Variants in GPR160 observed in about 807,000 individuals in gnomAD.
The protein encoded by GPR160 is probable G protein-coupled receptor 160.
A neutral mutation model predicts 2.6 loss-of-function variants in GPR160; 2 were observed. The ratio of observed to expected loss-of-function variants is 0.77; its 90% CI spans 0.32 to 2.44. GPR160 has a LOEUF of 2.44. GPR160 is among the 30% of genes most tolerant of loss of function. The pLI, the probability that GPR160 is intolerant of heterozygous loss-of-function variation, is 0.11. For missense variants in GPR160, 351 were observed against 383.6 expected (o/e 0.91, Z 0.71); for synonymous variants, 130 against 132.2 (o/e 0.98, Z 0.12).
intron 2 of GPR160, chr3:170,057,348 A>G (rs990686288): frequency 6.6e-6 from 1 of 152,206 alleles, no homozygotes; most frequent in Non-Finnish European, 1.5e-5. Flanking sequence ...TATCTGAGGC[A>G]CTTGCTAATT....
intron 2 of GPR160, chr3:170,062,820 G>A: frequency 3.4e-6 from 2 of 591,822 alleles, no homozygotes; most frequent in Non-Finnish European, 6.1e-6. Context: ...TGAATTGGTT[G>A]AAAGCGGAAA....
chr3:170,056,064 A>G (rs3772177), intron 2 of GPR160, among the ~76,000 whole-genome samples: 41,035 of 152,062 alleles, frequency 0.27, 6,264 homozygotes, highest in East Asian at 0.51. Flanking sequence ...GATTTTTTTT[A>G]AGATATATTT....
Position 170,084,533 on chromosome 3 carries a change from T to C in GPR160, c.561T>C (p.Phe187=). ...GCATTCAGAGTTACTGGCTGTCATT[T>C]TTCATGGTGATGATTTTATTTGTAG... The part of the protein sequence containing the change: ...YVSIQSYWLS[F]FMVMILFVAF... The change falls in exon 4 of 4, where the codon TTT becomes TTC. Residue 187 remains phenylalanine, a synonymous_variant. Coordinates refer to ENST00000355897, the MANE Select transcript of GPR160 (RefSeq NM_014373.3). 1 of 1,612,610 alleles carries C rather than the reference T, an allele frequency of 6.2e-7. No individual in the cohort carries two copies. The highest frequency in any genetic ancestry group is 8.5e-7 in the Non-Finnish European group (1 of 1,178,636).
rs529126406 is a variant in GPR160, at chr3:170,070,109, C to A, written c.-192-9665C>A. ...ATGAATTTGGGGGGATATAATTCAG[C>A]CCATCATACCATAATTTCCCATTGT... On this transcript the variant is annotated intron_variant, in intron 2 of 3. Transcript: ENST00000355897. Among the ~76,000 whole-genome samples the A allele has an allele frequency of 1.8e-4, 27 of 152,218 alleles. No individual in the cohort carries two copies. The South Asian group carries it at 4.2e-3, about 23-fold the overall frequency.
At chr3:170,056,470 G>GC (rs1711647257) in intron 2 of GPR160, among the ~76,000 whole-genome samples, 1 of 152,124 alleles carries the variant, frequency 6.6e-6, no homozygotes, top group Admixed American at 6.5e-5. Context: ...ATCAATAACA[G>GC]CCCGGGGAAA....
At chr3:170,051,211 T>C (rs934884022) in intron 2 of GPR160, among the ~76,000 whole-genome samples, 6 of 152,232 alleles carry the variant, frequency 3.9e-5, no homozygotes, top group African/African-American at 1.4e-4. Flanking sequence ...TAATGACTAA[T>C]GCTGTTGAGT....
At position 170,038,824 on chromosome 3, in the gene GPR160, G is replaced by C. The variant is rs1202614046; in HGVS notation, c.-321-91G>C. 6.6e-6 allele frequency: 1 copy of C among 152,150 alleles called. No homozygotes were observed. The highest frequency in any genetic ancestry group is 3.2e-3 in the Middle Eastern group (1 of 316). The allele number at this position is 152,150 out of a possible 1,614,324, so 9.4% of individuals were successfully genotyped here. On this transcript the variant is annotated intron_variant, in intron 1 of 3. Transcript: ENST00000355897. This position sits in a 1 kb window ranked among gnomAD's most constrained non-coding sequence, Gnocchi z 5.3. ...GTTGCGTCCGGGTAGGTTCCTGGAT[G>C]ACCATCCTGGCTGGCTCAAAATTCC...
In GPR160 at chr3:170,084,602, TATCAGG is replaced by T. The variant is rs1264664007; in HGVS notation, c.633_638del (p.Arg212_Ile213del). 1 of 1,612,986 alleles carries T rather than the reference TATCAGG, an allele frequency of 6.2e-7. No individual in the cohort carries two copies. Among genetic ancestry groups the T allele is most frequent in the African/African-American group, 1.3e-5 (1 of 74,928 alleles). The stretch of plus-strand genomic sequence containing the variant: ...AAGAAGTTACTACTTTGGTACAGGC[TATCAGG>T]ATAACTTCCTATATGAATGAAACTA... On this transcript the variant is annotated inframe_deletion, in exon 4 of 4. Coordinates refer to ENST00000355897, the MANE Select transcript of GPR160 (RefSeq NM_014373.3).
intron 2 of GPR160, among the ~76,000 whole-genome samples, chr3:170,067,285 G>T (rs995313571): frequency 6.6e-6 from 1 of 152,146 alleles, no homozygotes; most frequent in Non-Finnish European, 1.5e-5. Context: ...GATTACAAGC[G>T]TGAGCCGTCG....
At chr3:170,072,140 T>C (rs960177417) in intron 2 of GPR160, among the ~76,000 whole-genome samples, 1 of 149,948 alleles carries the variant, frequency 6.7e-6, no homozygotes, top group Non-Finnish European at 1.5e-5. Context: ...AGTGGCATGA[T>C]TGTGGCTCAT....
chr3:170,038,040 G>T lies in GPR160; in HGVS notation c.-497G>T. The stretch of plus-strand genomic sequence containing the variant: ...GGCTGAGCCACAGCAGGGTCGCCGC[G>T]GGGTCCCGGGGCCGTGCTCCCCTGC... On this transcript the variant is annotated 5_prime_UTR_variant, in exon 1 of 4. Coordinates refer to ENST00000355897, the MANE Select transcript of GPR160 (RefSeq NM_014373.3). The surrounding 1 kb of genome is among the most constrained non-coding windows in gnomAD (Gnocchi z 5.3). 1 of 152,748 alleles carries T rather than the reference G, an allele frequency of 6.5e-6. No individual in the cohort carries two copies. Among genetic ancestry groups the T allele is most frequent in the South Asian group, 1.9e-4 (1 of 5,320 alleles). The allele number at this position is 152,748 out of a possible 1,614,324, so 9.5% of individuals were successfully genotyped here.
chr3:170,085,312 C>CTGTT lies in GPR160; in HGVS notation c.*324_*327dup, dbSNP rs879234061. ...ACTCAAAAAAACTACTGGATGCAAA[C>CTGTT]TGTTATGTAAATCTGAGATTTCACT... On this transcript the variant is annotated 3_prime_UTR_variant, in exon 4 of 4. Coordinates refer to ENST00000355897, the MANE Select transcript of GPR160 (RefSeq NM_014373.3). 6 of 181,392 alleles carry CTGTT rather than the reference C, an allele frequency of 3.3e-5. No individual in the cohort carries two copies. Among genetic ancestry groups the CTGTT allele is most frequent in the South Asian group, 2.0e-4 (1 of 4,958 alleles). 11.2% of individuals were successfully genotyped at this position (181,392 alleles called of 1,614,324 possible). A position where few individuals can be genotyped will look rare whatever the true frequency, so the allele number is the denominator to read the frequency against.
rs1716285997 is a variant in GPR160, at chr3:170,038,352, C to T, written c.-322+137C>T. 1 of 152,098 alleles carries T rather than the reference C, an allele frequency of 6.6e-6. No homozygotes were observed. The highest frequency in any genetic ancestry group is 2.4e-5 in the African/African-American group (1 of 41,436). The allele number at this position is 152,098 out of a possible 1,614,324, so 9.4% of individuals were successfully genotyped here. ...CGCGCCTGGGAGGGGAAGGAATTTC[C>T]TTTGCAGGAACTCAGGGGCTGGGGG... On this transcript the variant is annotated intron_variant, in intron 1 of 3. Coordinates refer to ENST00000355897, the MANE Select transcript of GPR160 (RefSeq NM_014373.3). This position sits in a 1 kb window ranked among gnomAD's most constrained non-coding sequence, Gnocchi z 5.3.
At chr3:170,041,770 A>C (rs1427156667) in intron 2 of GPR160, among the ~76,000 whole-genome samples, 3 of 152,198 alleles carry the variant, frequency 2.0e-5, no homozygotes, top group African/African-American at 7.2e-5. Flanking sequence ...GTATGAATGA[A>C]AGAAGTATGC....
At chr3:170,057,617 C>G (rs967837133) in intron 2 of GPR160, among the ~76,000 whole-genome samples, 7 of 152,228 alleles carry the variant, frequency 4.6e-5, no homozygotes, top group African/African-American at 1.7e-4. Flanking sequence ...CCCTCCCTCC[C>G]AAACCTAAGA....
At position 170,066,065 on chromosome 3, in the gene GPR160, A is replaced by G. The variant is rs188895273; in HGVS notation, c.-192-13709A>G. ...ACACATGCCCAGTGCTCACTTTTTA[A>G]GTGTCCTTCCAGGGTTTCTTCATGT... On this transcript the variant is annotated intron_variant, in intron 2 of 3. Transcript: ENST00000355897. 2.6e-3 allele frequency among the ~76,000 whole-genome samples: 385 copies of G among 148,182 alleles called. 2 individuals are homozygous for G. The highest frequency in any genetic ancestry group is 9.0e-3 in the African/African-American group (357 of 39,748).
intron 2 of GPR160, among the ~76,000 whole-genome samples, chr3:170,063,964 G>A (rs1712144437): frequency 1.3e-5 from 2 of 151,988 alleles, no homozygotes; most frequent in Non-Finnish European, 1.5e-5. Context: ...CTTCCCTGCC[G>A]GGCAGAATTT....
intron 2 of GPR160, among the ~76,000 whole-genome samples, chr3:170,073,204 A>C (rs1247326965): frequency 1.3e-5 from 2 of 152,114 alleles, no homozygotes; most frequent in Non-Finnish European, 2.9e-5. Flanking sequence ...AAAAAAGAAA[A>C]AATTATTGCC....
intron 2 of GPR160, among the ~76,000 whole-genome samples, chr3:170,041,100 A>G (rs1286533544): frequency 6.6e-6 from 1 of 152,098 alleles, no homozygotes; most frequent in Non-Finnish European, 1.5e-5. Context: ...TAGTAGAGGG[A>G]GGAAGGGGAG....
Sources: gnomAD v4.1 joint callset for allele counts (sites outside exome capture counted in the v4.1 genomes callset) on GRCh38, gnomAD v4.1.1 for gene constraint, Gnocchi (gnomAD v3.1) non-coding constraint, MANE v1.5 for transcripts, NCBI Gene and HGNC (gene_info 2026-07-23, HGNC 2026-07-21) for gene names.